The following PTPRD variants were observed in gnomAD, a reference collection of about 807,000 sequenced individuals.
PTPRD encodes protein tyrosine phosphatase receptor type D.
Under a neutral mutation model 214.5 loss-of-function variants are expected in PTPRD, and 34 were observed. That is an observed-to-expected ratio of 0.16 (90% CI 0.12 to 0.21). The LOEUF is 0.21. Ranked by LOEUF, PTPRD falls within the 10% of genes least tolerant of loss-of-function variation. PTPRD has a pLI of 1.00. For missense variants in PTPRD, 2,545 were observed against 2,398.7 expected, an observed-to-expected ratio of 1.06 and a Z score of -1.27; for synonymous variants, 1,128 against 845.7, an observed-to-expected ratio of 1.33 and a Z score of -5.79.
intron 2 of PTPRD, among the ~76,000 whole-genome samples, chr9:10,382,015 T>A (rs2097836128): frequency 6.6e-6 from 1 of 151,978 alleles, no homozygotes; most frequent in Non-Finnish European, 1.5e-5. Flanking sequence ...GTAAGAAAAC[T>A]GAACCTTTCT....
intron 8 of PTPRD, among the ~76,000 whole-genome samples, chr9:9,465,384 G>A (rs1237811180): frequency 4.6e-5 from 7 of 152,070 alleles, no homozygotes; most frequent in African/African-American, 1.7e-4. Flanking sequence ...TAAACAAGAT[G>A]GTATTTTATA....
chr9:8,551,119 G>C (rs1200592327), intron 14 of PTPRD, among the ~76,000 whole-genome samples: 3 of 152,118 alleles, frequency 2.0e-5, no homozygotes, highest in Non-Finnish European at 4.4e-5. Flanking sequence ...TATTCCCTTG[G>C]AGTATTTTAT....
intron 10 of PTPRD, among the ~76,000 whole-genome samples, chr9:9,065,831 T>A (rs1179467066): frequency 6.6e-6 from 1 of 152,156 alleles, no homozygotes. Context: ...TGCCATTAAT[T>A]AATGTAATGT....
At chr9:9,263,270 T>C (rs1021922852) in intron 9 of PTPRD, among the ~76,000 whole-genome samples, 27 of 151,644 alleles carry the variant, frequency 1.8e-4, no homozygotes, top group Admixed American at 1.8e-3. Flanking sequence ...TTTTTTGTCT[T>C]TTTTTATAAA....
intron 10 of PTPRD, among the ~76,000 whole-genome samples, chr9:9,121,888 T>C (rs2099817978): frequency 6.6e-6 from 1 of 152,228 alleles, no homozygotes; most frequent in Non-Finnish European, 1.5e-5. Context: ...TTTTGGCTCA[T>C]GTTCTGAACA....
At chr9:10,258,314 T>G (rs552118681) in intron 3 of PTPRD, among the ~76,000 whole-genome samples, 7 of 152,244 alleles carry the variant, frequency 4.6e-5, no homozygotes, top group Admixed American at 6.5e-5. Context: ...TGAGGGCTTT[T>G]GGGAGGGTGA....
chr9:9,661,567 G>C (rs1238615400), intron 7 of PTPRD, among the ~76,000 whole-genome samples: 2 of 151,710 alleles, frequency 1.3e-5, no homozygotes, highest in African/African-American at 4.8e-5. Flanking sequence ...TACCTATACA[G>C]AATTTTCATA....
chr9:9,482,275 A>T (rs545242981), intron 8 of PTPRD, among the ~76,000 whole-genome samples: 1 of 152,212 alleles, frequency 6.6e-6, no homozygotes, highest in Non-Finnish European at 1.5e-5. Flanking sequence ...AAACCAGTTC[A>T]GTGAAATGAC....
intron 11 of PTPRD, among the ~76,000 whole-genome samples, chr9:8,833,044 T>C (rs2097331543): frequency 6.6e-6 from 1 of 152,128 alleles, no homozygotes; most frequent in Non-Finnish European, 1.5e-5. Context: ...ACTGACTTGA[T>C]ATCTTCTGTG....
In PTPRD at chr9:9,148,004, T is replaced by C. The variant is rs185353833; in HGVS notation, c.-143+35300A>G. On this transcript the variant is annotated intron_variant, in intron 10 of 45. Transcript: ENST00000381196. ...GAACCACTATCACCTGGAGGGCTTG[T>C]TTTAGGAATGCAATAAGCAAAAATG... Among the ~76,000 whole-genome samples, 81 of 152,310 alleles carry C rather than the reference T, an allele frequency of 5.3e-4. No homozygotes were observed. In the East Asian group the frequency reaches 0.012, roughly 23 times the overall value.
At chr9:9,013,040 A>T (rs375585414) in intron 11 of PTPRD, among the ~76,000 whole-genome samples, 1 of 152,112 alleles carries the variant, frequency 6.6e-6, no homozygotes, top group African/African-American at 2.4e-5. Context: ...GAAAGAAAAG[A>T]CGTTAAAGGG....
intron 9 of PTPRD, among the ~76,000 whole-genome samples, chr9:9,300,141 G>A (rs535654194): frequency 6.7e-6 from 1 of 150,208 alleles, no homozygotes; most frequent in South Asian, 2.1e-4. Context: ...TGAGCTACAT[G>A]GTACTTAGAC....
intron 11 of PTPRD, among the ~76,000 whole-genome samples, chr9:8,831,511 A>C (rs1342767184): frequency 6.6e-6 from 1 of 152,230 alleles, no homozygotes; most frequent in African/African-American, 2.4e-5. Context: ...ACAATTAAAA[A>C]GCAAATCCCA....
At chr9:9,094,687 TAAAG>T (rs1250951717) in intron 10 of PTPRD, among the ~76,000 whole-genome samples, 7 of 152,064 alleles carry the variant, frequency 4.6e-5, no homozygotes, top group African/African-American at 1.7e-4. Context: ...AAAACTAAAA[TAAAG>T]AAAGAAAACT....
chr9:8,428,477 T>C (rs1451105270), intron 35 of PTPRD, among the ~76,000 whole-genome samples: 1 of 152,166 alleles, frequency 6.6e-6, no homozygotes, highest in Non-Finnish European at 1.5e-5. Context: ...AACAATCTTT[T>C]ATCTCTTGTG....
intron 8 of PTPRD, among the ~76,000 whole-genome samples, chr9:9,487,313 T>C (rs1315298815): frequency 1.3e-5 from 2 of 152,066 alleles, no homozygotes; most frequent in Non-Finnish European, 1.5e-5. Context: ...ATGTGGTGTT[T>C]AGTTTTTTGT....
intron 3 of PTPRD, among the ~76,000 whole-genome samples, chr9:10,094,216 A>T (rs936970334): frequency 6.6e-6 from 1 of 151,474 alleles, no homozygotes; most frequent in African/African-American, 2.4e-5. Context: ...TTTATTTAAA[A>T]TAATTTTTCC....
intron 10 of PTPRD, among the ~76,000 whole-genome samples, chr9:9,081,173 C>T (rs1198816070): frequency 6.6e-6 from 1 of 152,018 alleles, no homozygotes; most frequent in African/African-American, 2.4e-5. Context: ...TAGCTGTGTC[C>T]CAGAGATTCT....
At chr9:8,741,990 A>AC (rs1264098740) in intron 11 of PTPRD, among the ~76,000 whole-genome samples, 3 of 152,176 alleles carry the variant, frequency 2.0e-5, no homozygotes, top group African/African-American at 7.2e-5. Context: ...TAGACAAGAC[A>AC]TTTTCATGCT....
Sources: allele counts gnomAD v4.1 joint callset (sites outside exome capture counted in the v4.1 genomes callset), GRCh38; gene constraint gnomAD v4.1.1; transcripts MANE v1.5; gene names NCBI Gene and HGNC (gene_info 2026-07-23, HGNC 2026-07-21).